NKAIN3: variants seen among roughly 807,000 people sequenced by gnomAD.
NKAIN3 encodes sodium/potassium-transporting ATPase subunit beta-1-interacting protein 3.
Under a neutral mutation model 30.2 loss-of-function variants are expected in NKAIN3, and 25 were observed. That is an observed-to-expected ratio of 0.83 (90% CI 0.60 to 1.16). NKAIN3 has a LOEUF of 1.16. NKAIN3 is among the 50% of genes most tolerant of loss of function. The pLI is 0.00. For missense variants in NKAIN3, 225 were observed against 254.1 expected (o/e 0.89, Z 0.78); for synonymous variants, 91 against 89.6 (o/e 1.02, Z -0.09).
Position 62,953,970 on chromosome 8 carries a change from C to T in NKAIN3, c.601C>T (p.Pro201Ser). ...QDHVELKPVK[P>S]VEISNDIEPE... ...TCATGTTGAGTTAAAGCCTGTTAAA[C>T]CAGTAAGTAAAGGTGTGATGATATG... is the stretch of plus-strand genomic sequence containing the variant. Residue 201 changes from proline (P) to serine (S), a missense_variant and splice_region_variant, in exon 6 of 7, where the codon CCA (proline) becomes TCA (serine). By Grantham distance (74) the Pro-to-Ser change is moderately conservative (BLOSUM62 -1). Transcript: ENST00000623646. 1.0e-6 allele frequency: 1 copy of T among 966,400 alleles called. No homozygotes were observed. Among genetic ancestry groups the T allele is most frequent in the Non-Finnish European group, 1.2e-6 (1 of 812,186 alleles). 59.9% of individuals were successfully genotyped at this position (966,400 alleles called of 1,614,324 possible).
chr8:62,309,274 G>T (rs773522481), intron 1 of NKAIN3, among the ~76,000 whole-genome samples: 13 of 150,402 alleles, frequency 8.6e-5, no homozygotes, highest in Admixed American at 7.9e-4. Context: ...ATTAAAAAAA[G>T]ATTTAAATTG....
intron 1 of NKAIN3, among the ~76,000 whole-genome samples, chr8:62,348,580 A>T (rs2129591593): frequency 6.6e-6 from 1 of 152,294 alleles, no homozygotes; most frequent in African/African-American, 2.4e-5. Flanking sequence ...TCTAACACAA[A>T]TCTTAGGCTG....
rs184750810 is a variant in NKAIN3, at chr8:62,991,297, G to A, written c.533-7934G>A. On this transcript the variant is annotated intron_variant, in intron 5 of 5. Coordinates refer to the NKAIN3 transcript ENST00000519049. ...GTTAGGTGTTAATAGCAGTGGGTAA[G>A]GCTAATCACCTCAATACCACCTCTT... is the stretch of plus-strand genomic sequence containing the variant. Among the ~76,000 whole-genome samples, 160 of 152,262 alleles carry A rather than the reference G, an allele frequency of 1.1e-3. 1 individual carries two copies. Among genetic ancestry groups the A allele is most frequent in the African/African-American group, 2.6e-3 (110 of 41,542 alleles).
At chr8:62,590,506 C>T (rs1298375126) in intron 3 of NKAIN3, among the ~76,000 whole-genome samples, 1 of 151,750 alleles carries the variant, frequency 6.6e-6, no homozygotes, top group African/African-American at 2.4e-5. Context: ...TGAACCAGCA[C>T]AATTTTCACT....
chr8:62,896,721 TG>T lies in NKAIN3; in HGVS notation c.472-21729del, dbSNP rs1360062245. ...CAGAGGTTGGTTAAGTGGCTCTAGC[TG>T]GGATGGAGATAGGCAAGCTTAGCAG... On this transcript the variant is annotated intron_variant, in intron 4 of 6. Coordinates refer to ENST00000623646, the MANE Select transcript of NKAIN3 (RefSeq NM_001304533.3). 4.6e-5 allele frequency among the ~76,000 whole-genome samples: 7 copies of T among 152,314 alleles called. No individual in the cohort carries two copies. The South Asian group carries it at 6.2e-4, about 14-fold the overall frequency.
chr8:62,988,403 G>A (rs1325105761), downstream of NKAIN3, among the ~76,000 whole-genome samples: 1 of 152,256 alleles, frequency 6.6e-6, no homozygotes, highest in Non-Finnish European at 1.5e-5. Flanking sequence ...CTCCGCACCT[G>A]CAGCACACTT....
At chr8:62,328,919 G>C (rs1815241824) in intron 1 of NKAIN3, among the ~76,000 whole-genome samples, 1 of 152,060 alleles carries the variant, frequency 6.6e-6, no homozygotes, top group African/African-American at 2.4e-5. Flanking sequence ...GGGATCCATA[G>C]AATATTGCAG....
chr8:62,937,604 T>C (rs896626818), intron 5 of NKAIN3, among the ~76,000 whole-genome samples: 2 of 152,012 alleles, frequency 1.3e-5, no homozygotes, highest in Admixed American at 1.3e-4. Context: ...GCCAGCGGAA[T>C]TGGGGAAAAA....
At chr8:62,648,185 A>C (rs927173481) in intron 3 of NKAIN3, among the ~76,000 whole-genome samples, 5 of 152,148 alleles carry the variant, frequency 3.3e-5, no homozygotes, top group South Asian at 2.1e-4. Flanking sequence ...GAGCCGTCCA[A>C]GTACTATGTC....
At chr8:62,415,255 A>T (rs1406033683) in intron 1 of NKAIN3, among the ~76,000 whole-genome samples, 1 of 143,712 alleles carries the variant, frequency 7.0e-6, no homozygotes, top group Non-Finnish European at 1.5e-5. Context: ...TATATAATAA[A>T]TATAATATAC....
chr8:62,812,995 T>C (rs930253212), intron 4 of NKAIN3, among the ~76,000 whole-genome samples: 1 of 151,984 alleles, frequency 6.6e-6, no homozygotes, highest in Admixed American at 6.6e-5. Context: ...TTCTTGTTGC[T>C]GAAGTAGTAC....
At chr8:62,311,977 G>A (rs1291945642) in intron 1 of NKAIN3, among the ~76,000 whole-genome samples, 5 of 150,386 alleles carry the variant, frequency 3.3e-5, no homozygotes, top group South Asian at 4.1e-4. Flanking sequence ...TGCTAGTATC[G>A]AGAGTGAATG....
At position 62,852,322 on chromosome 8, in the gene NKAIN3, G is replaced by A. The variant is rs1398905519; in HGVS notation, c.472-66131G>A. Among the ~76,000 whole-genome samples the A allele has an allele frequency of 5.9e-5, 9 of 151,898 alleles. 1 individual carries two copies. Among genetic ancestry groups the A allele is most frequent in the African/African-American group, 2.2e-4 (9 of 41,368 alleles). On this transcript the variant is annotated intron_variant, in intron 4 of 6. Coordinates refer to ENST00000623646, the MANE Select transcript of NKAIN3 (RefSeq NM_001304533.3). ...GATATCCCCTTTATCGTTTTTTATTGCATCTATTTGATTCTTCTCTCTTTT... is the reference window on the plus strand; with the variant it reads ...GATATCCCCTTTATCGTTTTTTATTACATCTATTTGATTCTTCTCTCTTTT...
At chr8:62,370,086 G>A (rs973597801) in intron 1 of NKAIN3, among the ~76,000 whole-genome samples, 3 of 151,942 alleles carry the variant, frequency 2.0e-5, no homozygotes, top group African/African-American at 7.2e-5. Flanking sequence ...AAATAAAAGA[G>A]CTATTTAAAT....
intron 4 of NKAIN3, among the ~76,000 whole-genome samples, chr8:62,772,974 T>A (rs1213055337): frequency 6.6e-5 from 10 of 152,112 alleles, no homozygotes; most frequent in Non-Finnish European, 1.0e-4. Flanking sequence ...GCCCTTTTTT[T>A]ATTGGATTAT....
intron 1 of NKAIN3, among the ~76,000 whole-genome samples, chr8:62,408,011 A>G (rs971996653): frequency 1.3e-5 from 2 of 152,212 alleles, no homozygotes; most frequent in Admixed American, 1.3e-4. Flanking sequence ...ACGCTGGGTA[A>G]CAGTGAGACC....
intron 4 of NKAIN3, among the ~76,000 whole-genome samples, chr8:62,845,285 T>TTCTATATATATATATA (rs1554583723): frequency 1.5e-5 from 1 of 68,928 alleles, no homozygotes; most frequent in Admixed American, 1.6e-4. Context: ...GGATAGTAGA[T>TTCTATATATATATATA]TATATATATA....
At chr8:62,649,534 G>A (rs753332365) in intron 3 of NKAIN3, among the ~76,000 whole-genome samples, 3 of 152,236 alleles carry the variant, frequency 2.0e-5, no homozygotes, top group Middle Eastern at 3.4e-3. Flanking sequence ...GTACCCGAAA[G>A]ATGCCTAATT....
chr8:62,807,618 T>A (rs1267314062), intron 4 of NKAIN3, among the ~76,000 whole-genome samples: 2 of 149,054 alleles, frequency 1.3e-5, no homozygotes, highest in Non-Finnish European at 3.0e-5. Flanking sequence ...AGTGGCTCGA[T>A]CTCGGCTCAC....
Sources: allele counts gnomAD v4.1 joint callset (sites outside exome capture counted in the v4.1 genomes callset), GRCh38; gene constraint gnomAD v4.1.1; transcripts MANE v1.5; gene names NCBI Gene and HGNC (gene_info 2026-07-23, HGNC 2026-07-21).